The following RIMS1 variants were observed in gnomAD, a reference collection of about 807,000 sequenced individuals.
The protein encoded by RIMS1 is regulating synaptic membrane exocytosis protein 1.
A neutral mutation model predicts 214.1 loss-of-function variants in RIMS1; 83 were observed. The ratio of observed to expected loss-of-function variants is 0.39; its 90% CI spans 0.32 to 0.47. The LOEUF (loss-of-function observed/expected upper bound fraction) is 0.47. RIMS1 is among the 20% of genes least tolerant of loss of function. RIMS1 has a pLI of 0.99. For missense variants in RIMS1, 2,050 were observed against 2,161.8 expected, an observed-to-expected ratio of 0.95 and a Z score of 1.03; for synonymous variants, 793 against 786.8, an observed-to-expected ratio of 1.01 and a Z score of -0.13.
intron 6 of RIMS1, chr6:72,212,965 A>C: frequency 1.4e-6 from 2 of 1,411,902 alleles, no homozygotes; most frequent in Non-Finnish European, 1.8e-6. Context: ...GTTTTATTTC[A>C]GTTTCCATTT....
chr6:72,384,792 CT>C (rs1213641836), intron 29 of RIMS1, among the ~76,000 whole-genome samples: 7 of 152,184 alleles, frequency 4.6e-5, no homozygotes, highest in African/African-American at 1.4e-4. Flanking sequence ...TACATGTTTA[CT>C]GTATTCCCTA....
At chr6:72,053,100 C>A (rs1487200144) in intron 2 of RIMS1, among the ~76,000 whole-genome samples, 3 of 152,176 alleles carry the variant, frequency 2.0e-5, no homozygotes, top group Non-Finnish European at 4.4e-5. Flanking sequence ...ATAGGCATTT[C>A]TCTCAGGATC....
chr6:72,008,907 C>T (rs1584786463), intron 2 of RIMS1, among the ~76,000 whole-genome samples: 1 of 152,258 alleles, frequency 6.6e-6, no homozygotes, highest in Middle Eastern at 3.4e-3. Flanking sequence ...CAACATTAGA[C>T]AGATCAACGA....
intron 6 of RIMS1, among the ~76,000 whole-genome samples, chr6:72,225,973 T>G (rs1382526449): frequency 6.6e-6 from 1 of 152,156 alleles, no homozygotes; most frequent in Non-Finnish European, 1.5e-5. Context: ...AACTGTTTTG[T>G]GTGGAAAGCA....
At chr6:72,157,672 GTCTT>G (rs2044624092) in intron 4 of RIMS1, among the ~76,000 whole-genome samples, 1 of 139,886 alleles carries the variant, frequency 7.1e-6, no homozygotes, top group African/African-American at 2.5e-5. Context: ...TGTTCTAGTA[GTCTT>G]TCTTCTAATT....
chr6:72,250,545 AAATAT>A (rs2072771196), intron 13 of RIMS1, 85 bp downstream of exon 13: 1 of 995,852 alleles, frequency 1.0e-6, no homozygotes, highest in African/African-American at 1.7e-5. Context: ...TGTTTTTAAA[AAATAT>A]AATAGATAAT....
At position 72,274,342 on chromosome 6, in the gene RIMS1, C is replaced by A. The variant is rs1337705438; in HGVS notation, c.3399-7C>A. ...GTTTTTTCCTGTCTTGTTCACTGGGCAAACAGGGGTAGATGGTCCCCCTCC... is the reference window on the plus strand; with the variant it reads ...GTTTTTTCCTGTCTTGTTCACTGGGAAAACAGGGGTAGATGGTCCCCCTCC... On this transcript the variant is annotated splice_polypyrimidine_tract_variant and splice_region_variant and intron_variant, in intron 22 of 33. Transcript: ENST00000521978. 6.2e-7 allele frequency: 1 copy of A among 1,603,030 alleles called. No homozygotes were observed. The highest frequency in any genetic ancestry group is 8.5e-7 in the Non-Finnish European group (1 of 1,171,088).
intron 28 of RIMS1, among the ~76,000 whole-genome samples, chr6:72,322,808 A>G (rs1369137925): frequency 1.3e-5 from 2 of 152,144 alleles, no homozygotes; most frequent in Non-Finnish European, 2.9e-5. Flanking sequence ...CTAGGCTGAG[A>G]AAATAAATTT....
intron 2 of RIMS1, among the ~76,000 whole-genome samples, chr6:72,063,786 A>G (rs963663462): frequency 2.6e-5 from 4 of 152,194 alleles, no homozygotes; most frequent in Non-Finnish European, 5.9e-5. Flanking sequence ...TTTATCTGTA[A>G]AAACTAAAAT....
In RIMS1 at chr6:72,202,096, G is replaced by T. The variant is rs114326902; in HGVS notation, c.1678+18947G>T. ...ACTACTGAGCTAAACTTGTGCAATT[G>T]TGTCTTTTTTAAAAGCACATGTTTC... On this transcript the variant is annotated intron_variant, in intron 6 of 33. Transcript: ENST00000521978. 7.7e-3 allele frequency among the ~76,000 whole-genome samples: 1,169 copies of T among 152,266 alleles called. 19 individuals carry two copies. The highest frequency in any genetic ancestry group is 0.027 in the African/African-American group (1,109 of 41,536).
chr6:71,961,814 T>C (rs1401615589), intron 1 of RIMS1, among the ~76,000 whole-genome samples: 1 of 152,184 alleles, frequency 6.6e-6, no homozygotes, highest in African/African-American at 2.4e-5. Flanking sequence ...AGAAAATTTC[T>C]GGCATTCTAA....
chr6:71,941,262 A>G (rs1015056940), intron 1 of RIMS1, among the ~76,000 whole-genome samples: 10 of 152,076 alleles, frequency 6.6e-5, no homozygotes, highest in Admixed American at 6.6e-4. Flanking sequence ...TAAGAGAAAG[A>G]AAATAAAATT....
intron 24 of RIMS1, among the ~76,000 whole-genome samples, chr6:72,286,126 G>T (rs753247869): frequency 2.0e-5 from 3 of 151,972 alleles, no homozygotes; most frequent in Non-Finnish European, 4.4e-5. Flanking sequence ...GAACCTAGGA[G>T]GTGGAGGTTG....
At chr6:72,337,653 A>T (rs1191688558) in intron 29 of RIMS1, among the ~76,000 whole-genome samples, 2 of 151,144 alleles carry the variant, frequency 1.3e-5, no homozygotes, top group Non-Finnish European at 3.0e-5. Flanking sequence ...GGTTTGTTAC[A>T]TATGTATACA....
At chr6:72,119,038 C>T (rs1173586535) in intron 4 of RIMS1, among the ~76,000 whole-genome samples, 4 of 151,722 alleles carry the variant, frequency 2.6e-5, no homozygotes, top group Non-Finnish European at 5.9e-5. Context: ...CAAACAGTTG[C>T]TGTTCGCCAA....
intron 6 of RIMS1, among the ~76,000 whole-genome samples, chr6:72,211,309 T>C (rs2053769843): frequency 6.6e-6 from 1 of 152,216 alleles, no homozygotes; most frequent in Non-Finnish European, 1.5e-5. Flanking sequence ...GTGTTAGTTC[T>C]ACCTGGGCAG....
At chr6:72,209,760 A>G (rs1345407712) in intron 6 of RIMS1, among the ~76,000 whole-genome samples, 1 of 151,794 alleles carries the variant, frequency 6.6e-6, no homozygotes, top group East Asian at 1.9e-4. Flanking sequence ...AATTAGCTGG[A>G]TGTGGTGGCA....
rs775094464 is a variant in RIMS1 at position 72,235,605 on chromosome 6, C to A, written c.1747-13C>A. On this transcript the variant is annotated splice_polypyrimidine_tract_variant and intron_variant, in intron 7 of 33. Transcript: ENST00000521978. ...GTATATATTACTTTTTAAACTCATT[C>A]ATGTTTTAACAGCATCCTGTAACGT... 14 of 1,562,310 alleles carry A rather than the reference C, an allele frequency of 9.0e-6. No homozygotes were observed. Among genetic ancestry groups the A allele is most frequent in the African/African-American group, 8.1e-5 (6 of 73,924 alleles).
chr6:72,188,323 C>T (rs1280985039), intron 6 of RIMS1, among the ~76,000 whole-genome samples: 4 of 152,144 alleles, frequency 2.6e-5, no homozygotes, highest in African/African-American at 9.7e-5. Context: ...CAAATAAAGA[C>T]AATAATAAGG....
Sources: allele counts gnomAD v4.1 joint callset (sites outside exome capture counted in the v4.1 genomes callset), GRCh38; gene constraint gnomAD v4.1.1; transcripts MANE v1.5; gene names NCBI Gene and HGNC (gene_info 2026-07-23, HGNC 2026-07-21).